The following HPN variants were observed in gnomAD, a reference collection of about 807,000 sequenced individuals.
HPN encodes the protein hepsin.
HPN carries 13 observed loss-of-function variants against 55.9 expected under a neutral mutation model. The ratio of observed to expected loss-of-function variants is 0.23; its 90% CI spans 0.15 to 0.37. The LOEUF is 0.37. Among genes scored for constraint, HPN ranks in the 10% least tolerant of loss-of-function variants. HPN has a pLI of 1.00. For synonymous variants in HPN, 225 were observed against 240.3 expected, an observed-to-expected ratio of 0.94 and a Z score of 0.59; for missense variants, 451 against 575.8, an observed-to-expected ratio of 0.78 and a Z score of 2.22.
Position 35,049,296 on chromosome 19 carries a change from G to A in HPN, c.23G>A (p.Arg8Gln), listed in dbSNP as rs149970077. Residue 8 changes from arginine to glutamine, a missense_variant, in exon 3 of 13, where the codon CGG becomes CAG. This residue lies in a region of HPN where 378 missense variants were observed against 445.5 expected (regional missense o/e 0.85). Transcript: ENST00000672452. MAQKEGG[R>Q]TVPCCSRPKV... ...AGCATGGTGTCTGTTGCAGGTGGCC[G>A]GACTGTGCCATGCTGCTCCAGACCC... is the stretch of plus-strand genomic sequence containing the variant. The A allele has an allele frequency of 4.0e-4, 626 of 1,550,780 alleles. 2 individuals carry two copies. In the African/African-American group the frequency reaches 7.1e-3, roughly 18 times the overall value.
intron 4 of HPN, among the ~76,000 whole-genome samples, chr19:35,058,648 T>C (rs1165437329): frequency 6.8e-6 from 1 of 147,868 alleles, no homozygotes; most frequent in African/African-American, 2.5e-5. Flanking sequence ...TTATATTATG[T>C]AATAATAATA....
upstream of HPN, among the ~76,000 whole-genome samples, chr19:35,040,764 C>T (rs536018582): frequency 6.6e-6 from 1 of 152,122 alleles, no homozygotes; most frequent in East Asian, 1.9e-4. Flanking sequence ...GAAGGAGAGA[C>T]GGGTATGGAT....
At chr19:35,055,184 C>T (rs2064442587) in intron 4 of HPN, among the ~76,000 whole-genome samples, 3 of 152,098 alleles carry the variant, frequency 2.0e-5, no homozygotes, top group Non-Finnish European at 4.4e-5. Flanking sequence ...TTAGCTCAGG[C>T]TTTGCTGGGT....
In HPN at chr19:35,065,596, G is replaced by A. The variant is rs1386090987; in HGVS notation, c.965G>A (p.Cys322Tyr). Reference sequence around the variant, plus strand: ...GTCCCCATAATCAGCAATGATGTCTGCAATGGCGCTGACTTCTATGGAAAC... The same window carrying A: ...GTCCCCATAATCAGCAATGATGTCTACAATGGCGCTGACTTCTATGGAAAC... ...ARVPIISNDV[C>Y]NGADFYGNQI... Residue 322 changes from cysteine to tyrosine, a missense_variant, in exon 11 of 13, where the codon TGC (cysteine) becomes TAC (tyrosine). Transcript: ENST00000672452. 6 of 1,614,180 alleles carry A rather than the reference G, an allele frequency of 3.7e-6. No individual in the cohort carries two copies. The highest frequency in any genetic ancestry group is 3.4e-6 in the Non-Finnish European group (4 of 1,180,024).
At chr19:35,044,028 T>C (rs2064318440) in intron 2 of HPN, among the ~76,000 whole-genome samples, 1 of 152,218 alleles carries the variant, frequency 6.6e-6, no homozygotes, top group African/African-American at 2.4e-5. Context: ...CTGCACTTAC[T>C]TGCCGGGTGA....
At chr19:35,047,752 G>A (rs1370153851) in intron 2 of HPN, among the ~76,000 whole-genome samples, 1 of 151,914 alleles carries the variant, frequency 6.6e-6, no homozygotes, top group Non-Finnish European at 1.5e-5. Context: ...CCAACACTTT[G>A]TTTGGGAGGC....
At chr19:35,042,272 CT>C (rs2064301986) in intron 1 of HPN, 180 bp from the exon 2 acceptor site, 1 of 1,365,848 alleles carries the variant, frequency 7.3e-7, no homozygotes, top group Admixed American at 3.5e-5. Flanking sequence ...CGTCCCCCCG[CT>C]GCTGGTCAGA....
intron 2 of HPN, among the ~76,000 whole-genome samples, chr19:35,043,407 C>T (rs1302564183): frequency 3.9e-5 from 6 of 152,184 alleles, no homozygotes; most frequent in Non-Finnish European, 7.3e-5. Flanking sequence ...GACTCCCTCT[C>T]TTCTTCCGCA....
At chr19:35,060,262 C>A (rs1407806184) in intron 7 of HPN, 85 bp from the exon 8 acceptor site, 4 of 1,605,728 alleles carry the variant, frequency 2.5e-6, no homozygotes, top group African/African-American at 2.7e-5. Flanking sequence ...TACTTTCAGA[C>A]CCCCTAGGGC....
At chr19:35,058,130 A>G (rs986930643) in intron 4 of HPN, among the ~76,000 whole-genome samples, 1 of 151,800 alleles carries the variant, frequency 6.6e-6, no homozygotes, top group Non-Finnish European at 1.5e-5. Flanking sequence ...ACCAGCCTGG[A>G]CAACAGAGTG....
At chr19:35,056,549 G>GC (rs1034852487) in intron 4 of HPN, among the ~76,000 whole-genome samples, 1 of 152,098 alleles carries the variant, frequency 6.6e-6, no homozygotes, top group African/African-American at 2.4e-5. Context: ...ACCACAAATT[G>GC]CCCCCCAACC....
chr19:35,053,821 A>C (rs1037531514), intron 4 of HPN, among the ~76,000 whole-genome samples: 11 of 151,512 alleles, frequency 7.3e-5, no homozygotes, highest in Admixed American at 3.3e-4. Flanking sequence ...TCAAACCCTG[A>C]GACTTGGCCT....
chr19:35,065,794 G>T, intron 11 of HPN, 74 bp from the exon 12 acceptor site: 1 of 1,557,402 alleles, frequency 6.4e-7, no homozygotes. Context: ...TGGGGCCACA[G>T]CCCATGTCAT....
upstream of HPN, chr19:35,041,571 A>C: frequency 1.0e-6 from 1 of 961,730 alleles, no homozygotes; most frequent in Non-Finnish European, 1.2e-6. Context: ...GTCCCCCTGG[A>C]GGTCCAAGGC....
At position 35,059,876 on chromosome 19, in the gene HPN, C is replaced by A. The variant is rs371304161; in HGVS notation, c.293C>A (p.Ala98Glu). ...LSCEEMGFLR[A>E]LTHSELDVRT... ...GGCCTAACCCCTGCCCCGCCCAGGG[C>A]ACTGACCCACTCCGAGCTGGACGTG... Residue 98 changes from alanine (A) to glutamate (E), a missense_variant and splice_region_variant, in exon 6 of 13, where the codon GCA becomes GAA. This residue lies in a region of HPN where 378 missense variants were observed against 445.5 expected (regional missense o/e 0.85). Coordinates refer to ENST00000672452, the MANE Select transcript of HPN (RefSeq NM_001384133.1). The A allele has an allele frequency of 6.7e-7, 1 of 1,501,632 alleles. No homozygotes were observed. The highest frequency in any genetic ancestry group is 8.9e-7 in the Non-Finnish European group (1 of 1,125,092). The allele number at this position is 1,501,632 out of a possible 1,614,324, so 93.0% of individuals were successfully genotyped here.
chr19:35,048,479 A>T (rs1269747081), intron 2 of HPN, among the ~76,000 whole-genome samples: 1 of 152,238 alleles, frequency 6.6e-6, no homozygotes, highest in Non-Finnish European at 1.5e-5. Context: ...ATAACTTTAA[A>T]TTATTATTTT....
At chr19:35,057,817 G>A (rs948946299) in intron 4 of HPN, among the ~76,000 whole-genome samples, 2 of 152,076 alleles carry the variant, frequency 1.3e-5, no homozygotes, top group Non-Finnish European at 2.9e-5. Context: ...ACATCATCTT[G>A]TACACCATCA....
At chr19:35,053,410 G>C (rs2064423774) in intron 4 of HPN, among the ~76,000 whole-genome samples, 1 of 152,108 alleles carries the variant, frequency 6.6e-6, no homozygotes, top group East Asian at 1.9e-4. Flanking sequence ...CCCCCAGCTA[G>C]AGGTGCCAGG....
At chr19:35,044,643 C>T (rs1440786710) in intron 2 of HPN, among the ~76,000 whole-genome samples, 1 of 152,128 alleles carries the variant, frequency 6.6e-6, no homozygotes, top group African/African-American at 2.4e-5. Context: ...TGATAGTGAC[C>T]CACATGGTTG....
Sources: allele counts gnomAD v4.1 joint callset (sites outside exome capture counted in the v4.1 genomes callset), GRCh38; gene constraint gnomAD v4.1.1; regional missense constraint gnomAD v4.1.1; transcripts MANE v1.5; gene names NCBI Gene and HGNC (gene_info 2026-07-23, HGNC 2026-07-21).